MFAP3L: variants seen among roughly 807,000 people sequenced by gnomAD.
The protein encoded by MFAP3L is microfibrillar-associated protein 3-like.
Under a neutral mutation model 20.0 loss-of-function variants are expected in MFAP3L, and 5 were observed. That is an observed-to-expected ratio of 0.25 (90% CI 0.13 to 0.53). MFAP3L has a LOEUF of 0.53. Ranked by LOEUF, MFAP3L falls within the 20% of genes least tolerant of loss-of-function variation. MFAP3L has a pLI of 0.96. For missense variants in MFAP3L, 409 were observed against 527.5 expected (o/e 0.78, Z 2.20); for synonymous variants, 219 against 213.0 (o/e 1.03, Z -0.25).
intron 2 of MFAP3L, chr4:169,995,061 C>G (rs182723662): frequency 6.6e-6 from 1 of 152,212 alleles, no homozygotes; most frequent in East Asian, 1.9e-4. Flanking sequence ...ACAAGGATAC[C>G]AAAACGTCTC....
rs78673514 is a variant in MFAP3L, at chr4:169,999,398, T to C, written c.298+6182A>G. 1.5e-3 allele frequency among the ~76,000 whole-genome samples: 234 copies of C among 152,354 alleles called. 6 individuals carry two copies. In the East Asian group the frequency reaches 0.042, roughly 28 times the overall value. On this transcript the variant is annotated intron_variant, in intron 2 of 2. Transcript: ENST00000361618. ...TATCTGAAAATAACCTACTGTCTTT[T>C]TATTTCCTGGAAAAGGAAACATCTG...
intron 1 of MFAP3L, among the ~76,000 whole-genome samples, chr4:170,025,801 C>G (rs993727216): frequency 6.6e-6 from 1 of 152,180 alleles, no homozygotes; most frequent in Non-Finnish European, 1.5e-5. Flanking sequence ...TTCACGTTCT[C>G]CGGAGCCCTG....
intron 1 of MFAP3L, among the ~76,000 whole-genome samples, chr4:170,014,343 A>G (rs918258988): frequency 1.3e-5 from 2 of 152,242 alleles, no homozygotes; most frequent in African/African-American, 4.8e-5. Flanking sequence ...CCATTTTCCA[A>G]GAAGTTCCTG....
At chr4:170,005,514 C>T (rs893183293) in intron 2 of MFAP3L, 66 bp downstream of exon 2, 20 of 1,506,060 alleles carry the variant, frequency 1.3e-5, no homozygotes, top group Middle Eastern at 1.8e-4. Flanking sequence ...ACTAACATCA[C>T]GGGTGCTGGC....
chr4:170,006,093 C>G (rs1242924259), intron 1 of MFAP3L, 83 bp from the exon 2 acceptor site: 1 of 1,084,388 alleles, frequency 9.2e-7, no homozygotes, highest in Non-Finnish European at 1.2e-6. Flanking sequence ...AGCAATGCAG[C>G]TAAAATACAA....
chr4:169,995,497 T>G lies in MFAP3L; in HGVS notation c.299-3188A>C, dbSNP rs138343010. On this transcript the variant is annotated intron_variant, in intron 2 of 2. Coordinates refer to ENST00000361618, the MANE Select transcript of MFAP3L (RefSeq NM_021647.8). ...GATGGTGCAAATTCTGTTTGGAGGCTCCTCCCGCATCAGCTTTGGGCTCAT... is the reference window on the plus strand; with the variant it reads ...GATGGTGCAAATTCTGTTTGGAGGCGCCTCCCGCATCAGCTTTGGGCTCAT... Among the ~76,000 whole-genome samples the G allele has an allele frequency of 1.2e-3, 187 of 152,248 alleles. 1 individual carries two copies. The highest frequency in any genetic ancestry group is 4.3e-3 in the African/African-American group (178 of 41,554).
chr4:170,026,345 G>A lies in MFAP3L; in HGVS notation c.-245C>T, dbSNP rs908149742. 32 of 947,034 alleles carry A rather than the reference G, an allele frequency of 3.4e-5. No individual in the cohort carries two copies. Among genetic ancestry groups the A allele is most frequent in the African/African-American group, 7.1e-5 (4 of 56,344 alleles). The allele number at this position is 947,034 out of a possible 1,614,324, so 58.7% of individuals were successfully genotyped here. On this transcript the variant is annotated 5_prime_UTR_variant, in exon 1 of 3. Coordinates refer to ENST00000361618, the MANE Select transcript of MFAP3L (RefSeq NM_021647.8). ...GGACGCCCGGTAGCGCCTACTGCGG[G>A]CGAGCCGCCTCCGCCGGCGCCTCAC...
intron 1 of MFAP3L, among the ~76,000 whole-genome samples, chr4:170,021,817 A>G (rs1740054543): frequency 6.6e-6 from 1 of 152,216 alleles, no homozygotes; most frequent in Non-Finnish European, 1.5e-5. Flanking sequence ...CCCAAAAGTT[A>G]GTTTATGTAG....
At chr4:170,009,983 C>T (rs1452613697) in intron 1 of MFAP3L, among the ~76,000 whole-genome samples, 4 of 152,078 alleles carry the variant, frequency 2.6e-5, no homozygotes, top group Admixed American at 1.3e-4. Flanking sequence ...TTTGTTGCAA[C>T]ACCTACTGAG....
rs114173166 is a variant in MFAP3L at position 169,998,989 on chromosome 4, C to T, written c.298+6591G>A. ...TGTGTTTGTATCTATAAATGTGGCA[C>T]ATATTTTGTGAAATACAGGCTACTG... On this transcript the variant is annotated intron_variant, in intron 2 of 2. Transcript: ENST00000361618. Among the ~76,000 whole-genome samples, 444 of 152,366 alleles carry T rather than the reference C, an allele frequency of 2.9e-3. 5 individuals are homozygous for T. The highest frequency in any genetic ancestry group is 9.6e-3 in the African/African-American group (400 of 41,580).
At chr4:170,007,800 T>C (rs1739140727) in intron 1 of MFAP3L, among the ~76,000 whole-genome samples, 1 of 152,144 alleles carries the variant, frequency 6.6e-6, no homozygotes. Context: ...CACTCATTAT[T>C]GACTCCCTGG....
chr4:170,004,363 G>C (rs1738891925), intron 2 of MFAP3L, among the ~76,000 whole-genome samples: 2 of 152,202 alleles, frequency 1.3e-5, no homozygotes, highest in South Asian at 4.2e-4. Context: ...CTCTTGGTGG[G>C]TAAAAGTTCG....
chr4:170,010,945 A>C (rs1739341773), intron 1 of MFAP3L, among the ~76,000 whole-genome samples: 1 of 152,218 alleles, frequency 6.6e-6, no homozygotes. Flanking sequence ...CTTGAATTGT[A>C]ATAAACCCCA....
At chr4:170,023,412 G>A (rs1740158058) in intron 1 of MFAP3L, among the ~76,000 whole-genome samples, 1 of 152,198 alleles carries the variant, frequency 6.6e-6, no homozygotes, top group Non-Finnish European at 1.5e-5. Flanking sequence ...CAGGACTTCT[G>A]TTTGGAGCAT....
intron 1 of MFAP3L, among the ~76,000 whole-genome samples, chr4:170,016,265 A>G (rs11732126): frequency 0.45 from 67,803 of 152,064 alleles, 15,378 homozygotes; most frequent in East Asian, 0.71. Flanking sequence ...ATGGCCTGAC[A>G]GTAGGCCTCT....
intron 1 of MFAP3L, among the ~76,000 whole-genome samples, chr4:170,011,433 G>C (rs1739374814): frequency 6.6e-6 from 1 of 152,174 alleles, no homozygotes; most frequent in African/African-American, 2.4e-5. Flanking sequence ...CCATGTTCTA[G>C]AGTCTATTTC....
intron 2 of MFAP3L, among the ~76,000 whole-genome samples, chr4:170,004,478 G>A (rs754954563): frequency 2.0e-5 from 3 of 152,180 alleles, no homozygotes; most frequent in Admixed American, 6.5e-5. Context: ...AGCAATGTAA[G>A]TGACAGCACT....
At chr4:169,996,015 A>AC (rs916481638) in intron 2 of MFAP3L, among the ~76,000 whole-genome samples, 1 of 31,870 alleles carries the variant, frequency 3.1e-5, no homozygotes, top group Non-Finnish European at 7.0e-5. Context: ...GCCACCCCCC[A>AC]CCCCCCACCC....
At chr4:169,996,778 C>T (rs1312335992) in intron 2 of MFAP3L, among the ~76,000 whole-genome samples, 1 of 152,088 alleles carries the variant, frequency 6.6e-6, no homozygotes, top group Non-Finnish European at 1.5e-5. Context: ...GACCTGGAGC[C>T]CCGCCTGCTT....
Sources: gnomAD v4.1 joint callset for allele counts (sites outside exome capture counted in the v4.1 genomes callset) on GRCh38, gnomAD v4.1.1 for gene constraint, MANE v1.5 for transcripts, NCBI Gene and HGNC (gene_info 2026-07-23, HGNC 2026-07-21) for gene names.